The following SECTM1 variants were observed in gnomAD, a reference collection of about 807,000 sequenced individuals.
The protein encoded by SECTM1 is secreted and transmembrane protein 1.
In SECTM1, 10 loss-of-function variants were observed where a neutral mutation model predicts 18.1. The observed-to-expected ratio is 0.55, with a 90% CI of 0.34 to 0.94. The LOEUF (loss-of-function observed/expected upper bound fraction) is 0.94. Ranked by LOEUF, SECTM1 falls within the 40% of genes least tolerant of loss-of-function variation. The pLI is 0.02. For synonymous variants in SECTM1, 137 were observed against 139.2 expected (o/e 0.98, Z 0.11); for missense variants, 297 against 322.6 (o/e 0.92, Z 0.61).
chr17:82,327,384 G>A, intron 1 of SECTM1, 92 bp from the exon 2 acceptor site: 1 of 710,084 alleles, frequency 1.4e-6, no homozygotes, highest in South Asian at 1.7e-5. Context: ...CTGGGAGGCT[G>A]GGGGTCCCCG....
In SECTM1 at chr17:82,327,298, G is replaced by A. The variant is rs2052155182; in HGVS notation, c.-52-6C>T. 2 of 1,475,974 alleles carry A rather than the reference G, an allele frequency of 1.4e-6. No individual in the cohort carries two copies. Among genetic ancestry groups the A allele is most frequent in the Non-Finnish European group, 9.3e-7 (1 of 1,078,526 alleles). 91.4% of individuals were successfully genotyped at this position (1,475,974 alleles called of 1,614,324 possible). A position where few individuals can be genotyped will look rare whatever the true frequency, so the allele number is the denominator to read the frequency against. On this transcript the variant is annotated splice_polypyrimidine_tract_variant and splice_region_variant and intron_variant, in intron 1 of 4. Coordinates refer to ENST00000269389, the MANE Select transcript of SECTM1 (RefSeq NM_003004.3). ...ACTGGCTCTTGAAACACTCCCTGGA[G>A]GAAGGAAAGCCCATGGGTCAGAGCC... is the stretch of plus-strand genomic sequence containing the variant.
chr17:82,324,090 G>A (rs1314200283), intron 3 of SECTM1, among the ~76,000 whole-genome samples: 1 of 152,078 alleles, frequency 6.6e-6, no homozygotes, highest in East Asian at 1.9e-4. Flanking sequence ...AGTAAAGGGA[G>A]GGCAGGTGCC....
In SECTM1 at chr17:82,322,046, C is replaced by A. The variant is rs527551216; in HGVS notation, c.*115G>T. The A allele has an allele frequency of 2.0e-6, 2 of 988,268 alleles. No homozygotes were observed. The highest frequency in any genetic ancestry group is 2.8e-5 in the South Asian group (2 of 70,666). 61.2% of individuals were successfully genotyped at this position (988,268 alleles called of 1,614,324 possible). The stretch of plus-strand genomic sequence containing the variant: ...AGGAGTGGGTGACACAGAGGCCCAG[C>A]CTGCCAAGCAAGCCGGTGTCTGTGC... On this transcript the variant is annotated 3_prime_UTR_variant, in exon 5 of 5. Coordinates refer to ENST00000269389, the MANE Select transcript of SECTM1 (RefSeq NM_003004.3).
At position 82,322,128 on chromosome 17, in the gene SECTM1, G is replaced by A. The variant is rs200187863; in HGVS notation, c.*33C>T. 1 of 1,609,066 alleles carries A rather than the reference G, an allele frequency of 6.2e-7. No homozygotes were observed. The highest frequency in any genetic ancestry group is 1.3e-5 in the African/African-American group (1 of 74,920). On this transcript the variant is annotated 3_prime_UTR_variant, in exon 5 of 5. Coordinates refer to ENST00000269389, the MANE Select transcript of SECTM1 (RefSeq NM_003004.3). ...CCACCCAAGGTCGGCACTCAGGGCT[G>A]GCTCTCCTGTGTCCTCTCTGCCTTG... is the stretch of plus-strand genomic sequence containing the variant.
intron 2 of SECTM1, 71 bp downstream of exon 2, chr17:82,327,076 C>T (rs1599654670): frequency 8.2e-7 from 1 of 1,222,070 alleles, no homozygotes; most frequent in Non-Finnish European, 1.2e-6. Context: ...CTCAGTCCAC[C>T]CCTCCTGCCC....
In SECTM1 at chr17:82,325,946, G is replaced by C. The variant is rs2052142170; in HGVS notation, c.95-1056C>G. On this transcript the variant is annotated intron_variant, in intron 2 of 4. Coordinates refer to ENST00000269389, the MANE Select transcript of SECTM1 (RefSeq NM_003004.3). The surrounding 1 kb of genome is among the most constrained non-coding windows in gnomAD (Gnocchi z 7.6). ...GTGCTGGCAAGTGCCAGGGGCCTTG[G>C]TGCCCATGGGAGGAGGTGGGCTTCA... 6.6e-6 allele frequency among the ~76,000 whole-genome samples: 1 copy of C among 152,248 alleles called. No individual in the cohort carries two copies.
chr17:82,322,827 C>A (rs758581051), intron 4 of SECTM1, 51 bp downstream of exon 4: 1 of 1,601,356 alleles, frequency 6.2e-7, no homozygotes, highest in Non-Finnish European at 8.5e-7. Flanking sequence ...CCTGGGGCAG[C>A]CCCACCCAAG....
chr17:82,330,647 GC>G lies in SECTM1; in HGVS notation c.-53+3052del, dbSNP rs1217183290. On this transcript the variant is annotated intron_variant, in intron 1 of 4. Coordinates refer to ENST00000269389, the MANE Select transcript of SECTM1 (RefSeq NM_003004.3). This position sits in a 1 kb window ranked among gnomAD's most constrained non-coding sequence, Gnocchi z 6.1. ...CCTCCACCCTGAGTGTCCCAAGTCT[GC>G]CCGCTGTGCATTCCATGGGGCCAGC... 2.0e-5 allele frequency among the ~76,000 whole-genome samples: 3 copies of G among 151,986 alleles called. No homozygotes were observed. Among genetic ancestry groups the G allele is most frequent in the African/African-American group, 7.3e-5 (3 of 41,366 alleles).
intron 3 of SECTM1, chr17:82,323,280 A>G: frequency 2.1e-6 from 1 of 475,832 alleles, no homozygotes; most frequent in Non-Finnish European, 3.8e-6. Flanking sequence ...AGGTCCCAGG[A>G]GCTGCGCGCT....
At position 82,321,743 on chromosome 17, in the gene SECTM1, C is replaced by A. The variant is rs1378855230; in HGVS notation, c.*418G>T. 5.5e-6 allele frequency: 1 copy of A among 181,492 alleles called. No individual in the cohort carries two copies. Among genetic ancestry groups the A allele is most frequent in the Non-Finnish European group, 1.2e-5 (1 of 84,152 alleles). 11.2% of individuals were successfully genotyped at this position (181,492 alleles called of 1,614,324 possible). A position where few individuals can be genotyped will look rare whatever the true frequency, so the allele number is the denominator to read the frequency against. ...GGGACAGGTATGTGGCCAAGGCCCC[C>A]CACAGCCCTGAACTGGAGTGTGTCT... On this transcript the variant is annotated 3_prime_UTR_variant, in exon 5 of 5. Transcript: ENST00000269389.
chr17:82,333,754 C>T lies in SECTM1; in HGVS notation c.-107G>A, dbSNP rs1304507045. Reference sequence around the variant, plus strand: ...GATGCAGCTTCTCCGCGCCCCGGAGCCCCAGGAAAATGAAAGACACGAGAG... The same window carrying T: ...GATGCAGCTTCTCCGCGCCCCGGAGTCCCAGGAAAATGAAAGACACGAGAG... On this transcript the variant is annotated 5_prime_UTR_variant, in exon 1 of 5. Transcript: ENST00000269389. 5 of 152,502 alleles carry T rather than the reference C, an allele frequency of 3.3e-5. No individual in the cohort carries two copies. The highest frequency in any genetic ancestry group is 1.2e-4 in the African/African-American group (5 of 41,408). 9.4% of individuals were successfully genotyped at this position (152,502 alleles called of 1,614,324 possible). A position where few individuals can be genotyped will look rare whatever the true frequency, so the allele number is the denominator to read the frequency against.
Position 82,322,389 on chromosome 17 carries a change from G to A in SECTM1, c.538-19C>T, listed in dbSNP as rs2052102003. 3 of 1,611,848 alleles carry A rather than the reference G, an allele frequency of 1.9e-6. No individual in the cohort carries two copies. Among genetic ancestry groups the A allele is most frequent in the African/African-American group, 1.3e-5 (1 of 74,874 alleles). ...ACTTCTTCTGCAGGGGGAGGAAGGA[G>A]GTGCCTGTGTGAGCCGCGCGCCCCC... On this transcript the variant is annotated intron_variant, in intron 4 of 4. Transcript: ENST00000269389.
intron 3 of SECTM1, among the ~76,000 whole-genome samples, chr17:82,323,676 C>G (rs146524955): frequency 3.3e-5 from 5 of 151,914 alleles, no homozygotes; most frequent in Non-Finnish European, 7.4e-5. Flanking sequence ...GGGGGCTGCT[C>G]TGCTGGCCAC....
intron 3 of SECTM1, among the ~76,000 whole-genome samples, chr17:82,324,046 G>T (rs1466971951): frequency 6.6e-6 from 1 of 152,062 alleles, no homozygotes; most frequent in Non-Finnish European, 1.5e-5. Context: ...TAAGGGTGCT[G>T]CGCGGGCGAC....
intron 1 of SECTM1, among the ~76,000 whole-genome samples, chr17:82,332,512 G>A (rs1366972146): frequency 6.6e-6 from 1 of 152,164 alleles, no homozygotes; most frequent in Non-Finnish European, 1.5e-5. Flanking sequence ...CCTGAGGGGT[G>A]GCTGACACTG....
chr17:82,333,387 A>ACCGG (rs1179873732), intron 1 of SECTM1, among the ~76,000 whole-genome samples: 2 of 151,822 alleles, frequency 1.3e-5, no homozygotes, highest in Non-Finnish European at 2.9e-5. Flanking sequence ...GGGTCCCCAC[A>ACCGG]CCGGCCGGCA....
chr17:82,333,071 G>T (rs2052204879), intron 1 of SECTM1, among the ~76,000 whole-genome samples: 1 of 152,228 alleles, frequency 6.6e-6, no homozygotes, highest in South Asian at 2.1e-4. Context: ...GGTGAGGGAA[G>T]CCTCACGGTT....
At position 82,329,774 on chromosome 17, in the gene SECTM1, G is replaced by A. The variant is rs2147270458; in HGVS notation, c.-52-2482C>T. Reference sequence around the variant, plus strand: ...GCGTCCAGAGGCATCCGCATCCCTCGGCTCATGGCCCCTCTGCCATCTCCC... The same window carrying A: ...GCGTCCAGAGGCATCCGCATCCCTCAGCTCATGGCCCCTCTGCCATCTCCC... On this transcript the variant is annotated intron_variant, in intron 1 of 4. Transcript: ENST00000269389. This position sits in a 1 kb window ranked among gnomAD's most constrained non-coding sequence, Gnocchi z 7.6. Among the ~76,000 whole-genome samples the A allele has an allele frequency of 1.3e-5, 2 of 152,170 alleles. No individual in the cohort carries two copies. Among genetic ancestry groups the A allele is most frequent in the Middle Eastern group, 6.8e-3 (2 of 294 alleles).
chr17:82,331,642 C>T (rs2052192107), intron 1 of SECTM1, among the ~76,000 whole-genome samples: 1 of 152,262 alleles, frequency 6.6e-6, no homozygotes, highest in South Asian at 2.1e-4. Context: ...TGAGTCCTCT[C>T]CTGCCATCCT....
Sources: allele counts gnomAD v4.1 joint callset (sites outside exome capture counted in the v4.1 genomes callset), GRCh38; gene constraint gnomAD v4.1.1; non-coding constraint Gnocchi (gnomAD v3.1); transcripts MANE v1.5; gene names NCBI Gene and HGNC (gene_info 2026-07-23, HGNC 2026-07-21).